Variants in BTBD9 observed in about 807,000 individuals in gnomAD.
BTBD9 encodes BTB/POZ domain-containing protein 9.
In BTBD9, 49 loss-of-function variants were observed where a neutral mutation model predicts 64.3. The observed-to-expected ratio is 0.76, with a 90% CI of 0.61 to 0.97. The LOEUF (loss-of-function observed/expected upper bound fraction) is 0.97, where lower values mean the gene tolerates loss of function less well. BTBD9 is among the 50% of genes least tolerant of loss of function. BTBD9 has a pLI of 0.00. For synonymous variants in BTBD9, 260 were observed against 274.7 expected (o/e 0.95, Z 0.53); for missense variants, 598 against 762.1 (o/e 0.78, Z 2.53).
At chr6:38,368,045 T>C (rs1765253717) in intron 6 of BTBD9, among the ~76,000 whole-genome samples, 1 of 152,144 alleles carries the variant, frequency 6.6e-6, no homozygotes, top group African/African-American at 2.4e-5. Context: ...TTTTAGACAC[T>C]AACAGTAAAA....
chr6:38,412,865 AC>A (rs11360356), intron 6 of BTBD9, among the ~76,000 whole-genome samples: 53,681 of 129,120 alleles, frequency 0.42, 10,019 homozygotes, highest in African/African-American at 0.52. Context: ...TCTCAAAACA[AC>A]AACAACAACA....
At chr6:38,343,072 A>G (rs1033039159) in intron 7 of BTBD9, among the ~76,000 whole-genome samples, 6 of 152,220 alleles carry the variant, frequency 3.9e-5, no homozygotes, top group African/African-American at 1.4e-4. Flanking sequence ...GCTGAGGGAC[A>G]ATAAGAGGCA....
At chr6:38,419,897 A>T (rs1301763111) in intron 6 of BTBD9, among the ~76,000 whole-genome samples, 1 of 152,150 alleles carries the variant, frequency 6.6e-6, no homozygotes, top group Non-Finnish European at 1.5e-5. Flanking sequence ...ATACTAAGGG[A>T]AACTATTTTA....
At chr6:38,221,102 G>A (rs1280193987) in intron 9 of BTBD9, among the ~76,000 whole-genome samples, 1 of 152,186 alleles carries the variant, frequency 6.6e-6, no homozygotes, top group Non-Finnish European at 1.5e-5. Flanking sequence ...ACATTTTAGT[G>A]CAGGAGACAG....
At chr6:38,254,952 CT>C (rs1357431552) in intron 9 of BTBD9, among the ~76,000 whole-genome samples, 1 of 152,098 alleles carries the variant, frequency 6.6e-6, no homozygotes, top group African/African-American at 2.4e-5. Context: ...CACATAAAAA[CT>C]TGTACAGGAA....
chr6:38,568,587 G>A (rs1167545374), intron 6 of BTBD9, among the ~76,000 whole-genome samples: 1 of 152,156 alleles, frequency 6.6e-6, no homozygotes, highest in African/African-American at 2.4e-5. Context: ...GATTTCCTAA[G>A]TTTCATAAAC....
intron 6 of BTBD9, among the ~76,000 whole-genome samples, chr6:38,568,858 T>C (rs1775634954): frequency 6.6e-6 from 1 of 152,324 alleles, no homozygotes; most frequent in African/African-American, 2.4e-5. Context: ...AGGGAGTCTT[T>C]TAATCTTAAA....
intron 6 of BTBD9, among the ~76,000 whole-genome samples, chr6:38,516,154 A>C (rs1773013138): frequency 6.6e-6 from 1 of 152,218 alleles, no homozygotes. Flanking sequence ...ACCTCAGGGC[A>C]GGAAACAAGT....
At chr6:38,436,134 T>C (rs1015799207) in intron 6 of BTBD9, among the ~76,000 whole-genome samples, 2 of 151,870 alleles carry the variant, frequency 1.3e-5, no homozygotes, top group Non-Finnish European at 2.9e-5. Flanking sequence ...AGTAGATAAA[T>C]AGAAAGTACC....
At chr6:38,346,232 T>C (rs759726350) in intron 6 of BTBD9, among the ~76,000 whole-genome samples, 5 of 152,232 alleles carry the variant, frequency 3.3e-5, no homozygotes, top group Non-Finnish European at 7.3e-5. Flanking sequence ...TTTCCTTACA[T>C]TTCTCATCAG....
intron 1 of BTBD9, among the ~76,000 whole-genome samples, chr6:38,626,858 A>G (rs908351450): frequency 6.6e-6 from 1 of 152,214 alleles, no homozygotes; most frequent in Non-Finnish European, 1.5e-5. Flanking sequence ...AGCTAGAGAA[A>G]TAGTAGAACA....
chr6:38,451,352 C>G (rs1769535467), intron 6 of BTBD9, among the ~76,000 whole-genome samples: 1 of 152,172 alleles, frequency 6.6e-6, no homozygotes, highest in African/African-American at 2.4e-5. Context: ...GACAAGTGCT[C>G]ATCTCTATCA....
chr6:38,507,752 T>C (rs1655576292), intron 6 of BTBD9, among the ~76,000 whole-genome samples: 1 of 151,998 alleles, frequency 6.6e-6, no homozygotes, highest in Non-Finnish European at 1.5e-5. Context: ...CTAGACCTTC[T>C]CTCTATATAT....
intron 9 of BTBD9, among the ~76,000 whole-genome samples, chr6:38,214,754 G>A (rs973034672): frequency 6.6e-6 from 1 of 152,112 alleles, no homozygotes; most frequent in African/African-American, 2.4e-5. Context: ...TTTGAATTTT[G>A]TTCATGCCGT....
intron 6 of BTBD9, among the ~76,000 whole-genome samples, chr6:38,542,509 AC>A (rs2127438896): frequency 6.6e-6 from 1 of 152,226 alleles, no homozygotes; most frequent in East Asian, 1.9e-4. Flanking sequence ...CACTGCCATC[AC>A]ACTAATACAG....
At chr6:38,181,214 T>C (rs1408391964) in intron 10 of BTBD9, among the ~76,000 whole-genome samples, 1 of 152,258 alleles carries the variant, frequency 6.6e-6, no homozygotes, top group Non-Finnish European at 1.5e-5. Flanking sequence ...TGGGGAAATT[T>C]AATAAATGTT....
chr6:38,287,801 C>T (rs141239650), intron 8 of BTBD9, among the ~76,000 whole-genome samples: 300 of 152,292 alleles, frequency 2.0e-3, no homozygotes, highest in Middle Eastern at 0.014. Context: ...ATAAATCAAG[C>T]AAGGTTAAAG....
intron 6 of BTBD9, among the ~76,000 whole-genome samples, chr6:38,530,567 T>C (rs1773754368): frequency 2.0e-5 from 2 of 98,012 alleles, no homozygotes; most frequent in Admixed American, 1.0e-4. Context: ...CCGACACTTA[T>C]GGAAAATAGA....
rs138340014 is a variant in BTBD9 at position 38,324,116 on chromosome 6, A to C, written c.1264+20868T>G. ...TCTCGCGGTACGGGGAAGGAAAGAA[A>C]GAACTTTGTGTAACACTTAGTTCAA... On this transcript the variant is annotated intron_variant, in intron 7 of 10. Transcript: ENST00000481247. 2.9e-3 allele frequency among the ~76,000 whole-genome samples: 440 copies of C among 152,314 alleles called. 2 individuals are homozygous for C. Among genetic ancestry groups the C allele is most frequent in the African/African-American group, 9.8e-3 (409 of 41,570 alleles).
Sources: allele counts gnomAD v4.1 joint callset (sites outside exome capture counted in the v4.1 genomes callset), GRCh38; gene constraint gnomAD v4.1.1; transcripts MANE v1.5; gene names NCBI Gene and HGNC (gene_info 2026-07-23, HGNC 2026-07-21).